SCAI: variants seen among roughly 807,000 people sequenced by gnomAD.
SCAI encodes the protein protein SCAI.
SCAI carries 24 observed loss-of-function variants against 92.2 expected under a neutral mutation model. That is an observed-to-expected ratio of 0.26 (90% CI 0.19 to 0.37). The LOEUF is 0.37. SCAI is among the 10% of genes least tolerant of loss of function. The pLI is 1.00. For synonymous variants in SCAI, 261 were observed against 258.6 expected, an observed-to-expected ratio of 1.01 and a Z score of -0.09; for missense variants, 450 against 736.2, an observed-to-expected ratio of 0.61 and a Z score of 4.50.
chr9:125,046,196 G>GATATATATCTATAT, intron 3 of SCAI, among the ~76,000 whole-genome samples: 1 of 51,880 alleles, frequency 1.9e-5, no homozygotes, highest in Admixed American at 2.3e-4. Flanking sequence ...GAAATTGTGA[G>GATATATATCTATAT]ATATATATAT....
intron 5 of SCAI, among the ~76,000 whole-genome samples, chr9:125,027,885 A>T (rs1181190637): frequency 1.3e-5 from 2 of 152,226 alleles, no homozygotes; most frequent in Non-Finnish European, 2.9e-5. Flanking sequence ...CTTCAGGATG[A>T]TGACATTTAG....
At chr9:124,998,356 G>C (rs1451262611) in intron 13 of SCAI, among the ~76,000 whole-genome samples, 1 of 152,074 alleles carries the variant, frequency 6.6e-6, no homozygotes, top group Non-Finnish European at 1.5e-5. Flanking sequence ...GGGAGGCTGA[G>C]GTAGGAGAAT....
intron 2 of SCAI, among the ~76,000 whole-genome samples, chr9:125,126,422 TGA>T (rs1303281040): frequency 5.9e-4 from 84 of 142,986 alleles, no homozygotes; most frequent in Non-Finnish European, 7.1e-4. Context: ...TGTGTGTGTG[TGA>T]GAGAGAGAGA....
chr9:124,971,503 T>C (rs1359896269), intron 16 of SCAI, 33 bp from the exon 17 acceptor site: 11 of 1,528,264 alleles, frequency 7.2e-6, no homozygotes, highest in Non-Finnish European at 8.1e-6. Context: ...AGTAAAAAGA[T>C]GCTTAAATGG....
At chr9:125,009,482 C>G (rs936189345) in intron 9 of SCAI, among the ~76,000 whole-genome samples, 4 of 151,872 alleles carry the variant, frequency 2.6e-5, no homozygotes, top group East Asian at 2.0e-4. Flanking sequence ...GTTGGCCAGG[C>G]TGGTCTAGAA....
At chr9:125,008,869 G>A (rs1486461938) in intron 9 of SCAI, among the ~76,000 whole-genome samples, 1 of 151,978 alleles carries the variant, frequency 6.6e-6, no homozygotes, top group Non-Finnish European at 1.5e-5. Context: ...CCTCAAGCAG[G>A]ATAAATAAAG....
intron 14 of SCAI, among the ~76,000 whole-genome samples, chr9:124,981,492 TTCTC>T (rs1564365384): frequency 6.6e-6 from 1 of 152,188 alleles, no homozygotes; most frequent in Non-Finnish European, 1.5e-5. Flanking sequence ...CTTTTAGTGT[TTCTC>T]TAAGTACAAC....
intron 3 of SCAI, 66 bp from the exon 4 acceptor site, chr9:125,029,805 G>C (rs1235639786): frequency 1.2e-5 from 12 of 960,456 alleles, no homozygotes; most frequent in Non-Finnish European, 1.9e-5. Flanking sequence ...TATGTCTTGT[G>C]ATGGTACAAA....
At chr9:125,026,629 T>C (rs917977353) in intron 6 of SCAI, among the ~76,000 whole-genome samples, 183 bp downstream of exon 6, 1 of 152,226 alleles carries the variant, frequency 6.6e-6, no homozygotes, top group African/African-American at 2.4e-5. Flanking sequence ...ACATCTTTGA[T>C]ATTTATTGCT....
chr9:124,983,155 T>C (rs1201174649), intron 14 of SCAI, among the ~76,000 whole-genome samples: 1 of 132,038 alleles, frequency 7.6e-6, no homozygotes, highest in South Asian at 2.5e-4. Context: ...AATGAAAACC[T>C]GTCTCTTAAA....
chr9:124,997,471 A>G (rs1398556423), intron 13 of SCAI, among the ~76,000 whole-genome samples: 2 of 152,220 alleles, frequency 1.3e-5, no homozygotes, highest in Non-Finnish European at 2.9e-5. Context: ...TGTATTAGAA[A>G]CAAAGTTTTA....
In SCAI at chr9:125,063,221, C is replaced by T. The variant is rs1833810533; in HGVS notation, c.99-7214G>A. 3.3e-5 allele frequency among the ~76,000 whole-genome samples: 5 copies of T among 151,284 alleles called. No homozygotes were observed. The South Asian group carries it at 8.3e-4, about 25-fold the overall frequency. On this transcript the variant is annotated intron_variant, in intron 2 of 17. Coordinates refer to ENST00000336505, the MANE Select transcript of SCAI (RefSeq NM_001144877.3). Reference sequence around the variant, plus strand: ...ATTGGGTGTTCGAGACCAGCCTGGCCAACATGGCAAAACAGCATCTCTATT... The same window carrying T: ...ATTGGGTGTTCGAGACCAGCCTGGCTAACATGGCAAAACAGCATCTCTATT...
intron 2 of SCAI, among the ~76,000 whole-genome samples, chr9:125,096,425 C>G (rs1181639850): frequency 1.3e-5 from 2 of 152,210 alleles, no homozygotes; most frequent in South Asian, 2.1e-4. Flanking sequence ...CACCTCCCCA[C>G]CAGGGATGGT....
At chr9:125,068,143 T>A (rs1833908658) in intron 2 of SCAI, among the ~76,000 whole-genome samples, 1 of 152,242 alleles carries the variant, frequency 6.6e-6, no homozygotes, top group South Asian at 2.1e-4. Flanking sequence ...CACTTAGTTA[T>A]GTGATTTTAA....
At chr9:124,999,478 G>T (rs998513471) in intron 13 of SCAI, among the ~76,000 whole-genome samples, 3 of 152,052 alleles carry the variant, frequency 2.0e-5, no homozygotes, top group Non-Finnish European at 4.4e-5. Context: ...ATCACTTAAG[G>T]CCAGGAAATC....
chr9:125,077,160 G>A (rs1234484769), intron 2 of SCAI, among the ~76,000 whole-genome samples: 1 of 152,164 alleles, frequency 6.6e-6, no homozygotes, highest in Non-Finnish European at 1.5e-5. Context: ...GATGTATTCC[G>A]TCACAATTCT....
Position 125,091,851 on chromosome 9 carries a change from C to T in SCAI, c.99-35844G>A, listed in dbSNP as rs1371991002. The stretch of plus-strand genomic sequence containing the variant: ...CTTGGGCCGGGCACAGTGGCTCACG[C>T]CTGTAATCCCAGCACTGCGGGAGGC... On this transcript the variant is annotated intron_variant, in intron 2 of 17. Coordinates refer to ENST00000336505, the MANE Select transcript of SCAI (RefSeq NM_001144877.3). This position sits in a 1 kb window ranked among gnomAD's most constrained non-coding sequence, Gnocchi z 4.3. Among the ~76,000 whole-genome samples the T allele has an allele frequency of 6.6e-6, 1 of 152,200 alleles. No homozygotes were observed. Among genetic ancestry groups the T allele is most frequent in the African/African-American group, 2.4e-5 (1 of 41,448 alleles).
chr9:125,088,294 T>C (rs1834362437), intron 2 of SCAI, among the ~76,000 whole-genome samples: 1 of 152,168 alleles, frequency 6.6e-6, no homozygotes, highest in South Asian at 2.1e-4. Flanking sequence ...AAATCTCATG[T>C]CGAATTGTAA....
chr9:125,134,378 C>T (rs1263280744), intron 2 of SCAI, among the ~76,000 whole-genome samples: 1 of 152,216 alleles, frequency 6.6e-6, no homozygotes, highest in African/African-American at 2.4e-5. Flanking sequence ...GGCCACCTCA[C>T]TCATATCTAT....
Sources: allele counts gnomAD v4.1 joint callset (sites outside exome capture counted in the v4.1 genomes callset), GRCh38; gene constraint gnomAD v4.1.1; non-coding constraint Gnocchi (gnomAD v3.1); transcripts MANE v1.5; gene names NCBI Gene and HGNC (gene_info 2026-07-23, HGNC 2026-07-21).